The following MXRA5 variants were observed in gnomAD, a reference collection of about 807,000 sequenced individuals.
MXRA5 encodes matrix-remodeling-associated protein 5.
Under a neutral mutation model 112.5 loss-of-function variants are expected in MXRA5, and 41 were observed. That is an observed-to-expected ratio of 0.36 (90% CI 0.28 to 0.47). The LOEUF (loss-of-function observed/expected upper bound fraction) is 0.47, where lower values mean the gene tolerates loss of function less well. Among genes scored for constraint, MXRA5 ranks in the 20% least tolerant of loss-of-function variants. MXRA5 has a pLI of 0.99. For synonymous variants in MXRA5, 862 were observed against 900.8 expected (o/e 0.96, Z 0.77); for missense variants, 2,150 against 2,251.0 (o/e 0.96, Z 0.91).
chrX:3,336,582 C>G (rs1337372165), intron 2 of MXRA5, among the ~76,000 whole-genome samples: 5 of 111,461 alleles, frequency 4.5e-5, no homozygotes, highest in Non-Finnish European at 7.5e-5. Context: ...TATGAGGTCT[C>G]CTTTTGGGGT....
rs770995192 is a variant in MXRA5 at position 3,322,839 on chromosome X, A to G, written c.2846T>C (p.Val949Ala). ...GGATGTGGGCTCTGGTGACGATCCA[A>G]CATCTGCTGCAGACCAACCCTCTGT... is the stretch of plus-strand genomic sequence containing the variant. ...TATEGWSAADVGSSPEPTSSE... is the reference protein window; with the variant it reads ...TATEGWSAADAGSSPEPTSSE... The change falls in exon 5 of 7, where the codon GTT (valine) becomes GCT (alanine). Residue 949 changes from valine (V) to alanine (A), a missense_variant. Val to Ala is a moderately conservative substitution (Grantham distance 64). Transcript: ENST00000217939. 1.7e-6 allele frequency: 2 copies of G among 1,209,788 alleles called. No individual in the cohort carries two copies. The highest frequency in any genetic ancestry group is 2.2e-6 in the Non-Finnish European group (2 of 895,251).
rs145631364 is a variant in MXRA5, at chrX:3,324,767, G to A, written c.918C>T (p.Leu306=). The A allele has an allele frequency of 7.2e-4, 870 of 1,207,705 alleles. 6 individuals carry two copies. In the African/African-American group the frequency reaches 0.014, roughly 19 times the overall value. ...QEQEEDGGSQ[L]ILEKFQLPQW... The stretch of plus-strand genomic sequence containing the variant: ...GGGGCAGTTGGAATTTCTCCAGGAT[G>A]AGCTGGCTGCCACCATCCTCTTCCT... The change falls in exon 5 of 7, where the codon CTC becomes CTT. Residue 306 remains leucine, a synonymous_variant. Coordinates refer to ENST00000217939, the MANE Select transcript of MXRA5 (RefSeq NM_015419.4).
At chrX:3,330,905 C>CTATT in intron 2 of MXRA5, 132 bp from the exon 3 acceptor site, 1 of 414,255 alleles carries the variant, frequency 2.4e-6, no homozygotes, top group Non-Finnish European at 3.8e-6. Context: ...GTCTTTTTGT[C>CTATT]TATTTATTTA....
Position 3,310,811 on chromosome X carries a change from A to G in MXRA5, c.7392T>C (p.Ile2464=). 8.3e-7 allele frequency: 1 copy of G among 1,208,714 alleles called. No individual in the cohort carries two copies. Among genetic ancestry groups the G allele is most frequent in the Non-Finnish European group, 1.1e-6 (1 of 894,314 alleles). ...EIAAGGSRKL[I]DCKAEGIPTP... ...TGGGGATGCCTTCAGCTTTGCAGTCAATCAGTTTCCGACTGCCCCCGGCTG... is the reference window on the plus strand; with the variant it reads ...TGGGGATGCCTTCAGCTTTGCAGTCGATCAGTTTCCGACTGCCCCCGGCTG... Residue 2464 remains isoleucine (I), a synonymous_variant, in exon 7 of 7, where the codon ATT becomes ATC. Transcript: ENST00000217939.
rs1314054220 is a variant in MXRA5 at position 3,316,232 on chromosome X, T to G, written c.6578+871A>C. 2.1e-4 allele frequency among the ~76,000 whole-genome samples: 9 copies of G among 42,503 alleles called. No homozygotes were observed. In the East Asian group the frequency reaches 5.4e-3, roughly 25 times the overall value. 36.9% of individuals were successfully genotyped at this position (42,503 alleles called of 115,157 possible). A position where few individuals can be genotyped will look rare whatever the true frequency, so the allele number is the denominator to read the frequency against. ...GGGAGGCTGAGGCAGGAGAATGGCG[T>G]GAACCCGGGAGGCGGAGCTTGCAGT... On this transcript the variant is annotated intron_variant, in intron 6 of 6. Transcript: ENST00000217939.
chrX:3,324,400 G>T lies in MXRA5; in HGVS notation c.1285C>A (p.Pro429Thr). Residue 429 changes from proline to threonine, a missense_variant, in exon 5 of 7, where the codon CCA (proline) becomes ACA (threonine). Pro to Thr is a conservative substitution (Grantham distance 38, BLOSUM62 -1). Around this residue, in one of 6 missense-constraint regions of MXRA5, gnomAD observed 386 missense variants for 411.0 expected, o/e 0.94. Coordinates refer to ENST00000217939, the MANE Select transcript of MXRA5 (RefSeq NM_015419.4). The part of the protein sequence containing the change: ...TGVRAQILAE[P>T]EWVMQPSIDI... The stretch of plus-strand genomic sequence containing the variant: ...ATGGATGGCTGCATGACCCATTCTG[G>T]TTCTGCAAGAATCTGGGCTCTCACA... 1 of 1,211,601 alleles carries T rather than the reference G, an allele frequency of 8.3e-7. No homozygotes were observed. Among genetic ancestry groups the T allele is most frequent in the South Asian group, 1.8e-5 (1 of 56,947 alleles).
chrX:3,320,045 T>A lies in MXRA5; in HGVS notation c.5640A>T (p.Lys1880Asn), dbSNP rs751051983. 5 of 1,207,606 alleles carry A rather than the reference T, an allele frequency of 4.1e-6. No individual in the cohort carries two copies. Among genetic ancestry groups the A allele is most frequent in the Non-Finnish European group, 4.5e-6 (4 of 893,571 alleles). The change falls in exon 5 of 7, where the codon AAA becomes AAT. Residue 1880 changes from lysine (K) to asparagine (N), a missense_variant. Physicochemically the swap from Lys to Asn is moderately conservative, Grantham distance 94. This residue lies in a region of MXRA5 where 1,485 missense variants were observed against 1,471.6 expected (regional missense o/e 1.01). Coordinates refer to ENST00000217939, the MANE Select transcript of MXRA5 (RefSeq NM_015419.4). ...TTGTCCAAGTAACGAAAGGCTTTGG[T>A]TTTCCTGTTGCCTCACAGGGGAACA... is the stretch of plus-strand genomic sequence containing the variant. ...DTVFPCEATG[K>N]PKPFVTWTKV...
Position 3,323,380 on chromosome X carries a change from G to T in MXRA5, c.2305C>A (p.Arg769=), listed in dbSNP as rs1603467990. The change falls in exon 5 of 7, where the codon CGA becomes AGA. Residue 769 remains arginine (R), a synonymous_variant. Transcript: ENST00000217939. ...TGTTTGTTTGCCATGTTTATCCTTC[G>T]TCTAGATTCAAACACTCTGCGACCT... The part of the protein sequence containing the change: ...AEGRRVFESR[R]RINMANKQIN... The T allele has an allele frequency of 8.3e-7, 1 of 1,211,542 alleles. No homozygotes were observed. The highest frequency in any genetic ancestry group is 3.0e-5 in the East Asian group (1 of 33,823).
rs915095909 is a variant in MXRA5 at position 3,322,662 on chromosome X, C to G, written c.3023G>C (p.Trp1008Ser). The G allele has an allele frequency of 7.4e-6, 9 of 1,211,621 alleles. No homozygotes were observed. Among genetic ancestry groups the G allele is most frequent in the South Asian group, 3.5e-5 (2 of 56,953 alleles). ...FAHLTPTPTI[W>S]VNDSSTSQLF... ...CTGTGATGTACTGGAGTCATTAACC[C>G]AGATGGTGGGGGTTGGAGTAAGGTG... The change falls in exon 5 of 7, where the codon TGG (tryptophan) becomes TCG (serine). Residue 1008 changes from tryptophan (W) to serine (S), a missense_variant. By Grantham distance (177) the Trp-to-Ser change is radical. Around this residue, in one of 6 missense-constraint regions of MXRA5, gnomAD observed 1,485 missense variants for 1,471.6 expected, o/e 1.01. Coordinates refer to ENST00000217939, the MANE Select transcript of MXRA5 (RefSeq NM_015419.4).
In MXRA5 at chrX:3,325,891, A is replaced by C. The variant is rs1487686590; in HGVS notation, c.710-916T>G. Among the ~76,000 whole-genome samples, 76 of 40,237 alleles carry C rather than the reference A, an allele frequency of 1.9e-3. 3 individuals are homozygous for C. The highest frequency in any genetic ancestry group is 4.7e-3 in the African/African-American group (72 of 15,448). The allele number at this position is 40,237 out of a possible 115,157, so 34.9% of individuals were successfully genotyped here. A position where few individuals can be genotyped will look rare whatever the true frequency, so the allele number is the denominator to read the frequency against. ...TTATAATATATAATTTATAATTATA[A>C]TTTATAATGTATAATTTTAAATCAT... is the stretch of plus-strand genomic sequence containing the variant. On this transcript the variant is annotated intron_variant, in intron 4 of 6. Coordinates refer to ENST00000217939, the MANE Select transcript of MXRA5 (RefSeq NM_015419.4).
chrX:3,332,488 C>T (rs1359726550), intron 2 of MXRA5, among the ~76,000 whole-genome samples: 4 of 111,920 alleles, frequency 3.6e-5, no homozygotes, highest in African/African-American at 1.3e-4. Context: ...TCCTGATCCG[C>T]CCCACTCGGC....
In MXRA5 at chrX:3,324,413, C is replaced by A; in HGVS notation, c.1272G>T (p.Gln424His). ...EALYYTGVRA[Q>H]ILAEPEWVMQ... ...TGACCCATTCTGGTTCTGCAAGAAT[C>A]TGGGCTCTCACACCTGTGTAGTAAA... The change falls in exon 5 of 7, where the codon CAG (glutamine) becomes CAT (histidine). Residue 424 changes from glutamine to histidine, a missense_variant. By Grantham distance (24) the Gln-to-His change is conservative. Coordinates refer to ENST00000217939, the MANE Select transcript of MXRA5 (RefSeq NM_015419.4). 8.3e-7 allele frequency: 1 copy of A among 1,211,638 alleles called. No homozygotes were observed. The highest frequency in any genetic ancestry group is 2.3e-4 in the Middle Eastern group (1 of 4,355).
intron 5 of MXRA5, among the ~76,000 whole-genome samples, chrX:3,319,207 C>T (rs1385068786): frequency 3.6e-5 from 4 of 112,276 alleles, no homozygotes; most frequent in African/African-American, 1.3e-4. Flanking sequence ...TTTGTGTTGT[C>T]ATCACACACA....
In MXRA5 at chrX:3,317,090, C is replaced by T; in HGVS notation, c.6578+13G>A. The T allele has an allele frequency of 1.8e-6, 2 of 1,132,070 alleles. No homozygotes were observed. Among genetic ancestry groups the T allele is most frequent in the Non-Finnish European group, 1.2e-6 (1 of 855,581 alleles). The allele number at this position is 1,132,070 out of a possible 1,213,427, so 93.3% of individuals were successfully genotyped here. ...GCCCAGCGATTTACAGGAAGCCACG[C>T]AGAGCTGCCTACCTGAAGAGCGCGT... is the stretch of plus-strand genomic sequence containing the variant. On this transcript the variant is annotated intron_variant, in intron 6 of 6. Coordinates refer to ENST00000217939, the MANE Select transcript of MXRA5 (RefSeq NM_015419.4).
chrX:3,331,489 G>A (rs1309950972), intron 2 of MXRA5, among the ~76,000 whole-genome samples: 1 of 111,629 alleles, frequency 9.0e-6, no homozygotes, highest in Non-Finnish European at 1.9e-5. Context: ...CACGTGGCTA[G>A]CAGGGCCGGG....
At chrX:3,314,910 A>G (rs1921054903) in intron 6 of MXRA5, among the ~76,000 whole-genome samples, 1 of 111,079 alleles carries the variant, frequency 9.0e-6, no homozygotes, top group Non-Finnish European at 1.9e-5. Flanking sequence ...ATAGATAGAT[A>G]GATAGATAGA....
chrX:3,335,239 C>A (rs1190611096), intron 2 of MXRA5, among the ~76,000 whole-genome samples: 1 of 111,345 alleles, frequency 9.0e-6, no homozygotes, highest in Non-Finnish European at 1.9e-5. Context: ...CTCTGTCGCC[C>A]AGGCTGAAGT....
chrX:3,328,103 C>T (rs1458632007), intron 4 of MXRA5, among the ~76,000 whole-genome samples: 5 of 112,346 alleles, frequency 4.5e-5, no homozygotes, highest in Admixed American at 1.9e-4. Flanking sequence ...CTGGTTCCCA[C>T]CAATGAAATA....
intron 2 of MXRA5, among the ~76,000 whole-genome samples, chrX:3,339,046 T>G (rs1227553245): frequency 9.0e-6 from 1 of 111,087 alleles, no homozygotes; most frequent in East Asian, 2.8e-4. Flanking sequence ...CATGGATAGC[T>G]GAATGTCAAA....
Sources: gnomAD v4.1 joint callset for allele counts (sites outside exome capture counted in the v4.1 genomes callset) on GRCh38, gnomAD v4.1.1 for gene constraint, gnomAD v4.1.1 regional missense constraint, MANE v1.5 for transcripts, NCBI Gene and HGNC (gene_info 2026-07-23, HGNC 2026-07-21) for gene names.